TMEM178A: variants seen among roughly 807,000 people sequenced by gnomAD.
TMEM178A encodes the protein transmembrane protein 178.
In TMEM178A, 12 loss-of-function variants were observed where a neutral mutation model predicts 29.1. That is an observed-to-expected ratio of 0.41 (90% CI 0.26 to 0.67). TMEM178A has a LOEUF of 0.67. TMEM178A is among the 30% of genes least tolerant of loss of function. The pLI is 0.29. For missense variants in TMEM178A, 366 were observed against 419.1 expected (o/e 0.87, Z 1.11); for synonymous variants, 210 against 187.2 (o/e 1.12, Z -0.99).
chr2:39,681,983 C>T (rs748737936), intron 1 of TMEM178A, among the ~76,000 whole-genome samples: 1 of 152,186 alleles, frequency 6.6e-6, no homozygotes, highest in Non-Finnish European at 1.5e-5. Context: ...CTTGGCTCTT[C>T]CTGCTCCCTG....
intron 1 of TMEM178A, among the ~76,000 whole-genome samples, chr2:39,701,764 A>C (rs1233560921): frequency 1.3e-5 from 2 of 152,080 alleles, no homozygotes; most frequent in African/African-American, 4.8e-5. Flanking sequence ...GGATGATTTC[A>C]ATGGACCTAT....
At chr2:39,683,407 C>G (rs543719299) in intron 1 of TMEM178A, among the ~76,000 whole-genome samples, 1 of 152,206 alleles carries the variant, frequency 6.6e-6, no homozygotes, top group African/African-American at 2.4e-5. Context: ...GCCAGTCTCA[C>G]ATGGGGCTCT....
the TMEM178A span, among the ~76,000 whole-genome samples, chr2:39,734,934 C>A: frequency 4.6e-5 from 7 of 152,292 alleles, no homozygotes; most frequent in African/African-American, 1.7e-4. Flanking sequence ...CCTACCAACA[C>A]GACTGTTACC....
At chr2:39,687,926 C>G (rs1479809491) in intron 1 of TMEM178A, among the ~76,000 whole-genome samples, 1 of 152,180 alleles carries the variant, frequency 6.6e-6, no homozygotes, top group Non-Finnish European at 1.5e-5. Context: ...CCATCTATGT[C>G]ACTTGTTAGC....
At chr2:39,724,495 AAACAT>A in the TMEM178A span, among the ~76,000 whole-genome samples, 3 of 152,204 alleles carry the variant, frequency 2.0e-5, no homozygotes, top group East Asian at 1.9e-4. Flanking sequence ...CTAATTTAAA[AAACAT>A]AACATATTAA....
chr2:39,712,089 TTCTC>T (rs759092163), intron 3 of TMEM178A, among the ~76,000 whole-genome samples: 33 of 95,606 alleles, frequency 3.5e-4, no homozygotes, highest in East Asian at 1.4e-3. Context: ...AAGAGTTTCT[TTCTC>T]TCTATTAGTT....
At chr2:39,723,391 G>A in the TMEM178A span, among the ~76,000 whole-genome samples, 1 of 152,110 alleles carries the variant, frequency 6.6e-6, no homozygotes, top group Admixed American at 6.5e-5. Context: ...GTTAGTTCTG[G>A]ACTCTGTTGG....
At chr2:39,694,161 G>GTAATAATAATAATAATAATAATAA (rs66983117) in intron 1 of TMEM178A, among the ~76,000 whole-genome samples, 7 of 146,714 alleles carry the variant, frequency 4.8e-5, no homozygotes, top group African/African-American at 1.7e-4. Flanking sequence ...AGTAGTAGTA[G>GTAATAATAATAATAATAATAATAA]TAATAATAAT....
At chr2:39,723,254 A>G in the TMEM178A span, among the ~76,000 whole-genome samples, 1 of 152,368 alleles carries the variant, frequency 6.6e-6, no homozygotes, top group East Asian at 1.9e-4. Flanking sequence ...CATTCCCCAC[A>G]GGTAAAACAC....
the TMEM178A span, among the ~76,000 whole-genome samples, chr2:39,723,953 T>C: frequency 1.3e-5 from 2 of 152,252 alleles, no homozygotes; most frequent in East Asian, 1.9e-4. Context: ...TACTGCTCTA[T>C]AGTTTTTAAG....
the TMEM178A span, among the ~76,000 whole-genome samples, chr2:39,730,270 T>C: frequency 5.2e-3 from 797 of 151,924 alleles, 2 homozygotes; most frequent in Non-Finnish European, 9.2e-3. Context: ...GTGCTCAGAG[T>C]GGATTAAATG....
chr2:39,726,290 C>T, the TMEM178A span, among the ~76,000 whole-genome samples: 3 of 152,146 alleles, frequency 2.0e-5, no homozygotes, highest in Admixed American at 6.5e-5. Context: ...GATAAGAAAA[C>T]ATTTGCACAG....
At chr2:39,677,123 C>A (rs1025387479) in intron 1 of TMEM178A, among the ~76,000 whole-genome samples, 2 of 152,116 alleles carry the variant, frequency 1.3e-5, no homozygotes, top group African/African-American at 4.8e-5. Context: ...TGCTTCAGTG[C>A]TTCCTATGTA....
At chr2:39,703,803 T>C (rs940945246) in intron 1 of TMEM178A, among the ~76,000 whole-genome samples, 2 of 152,232 alleles carry the variant, frequency 1.3e-5, no homozygotes, top group Admixed American at 1.3e-4. Context: ...TGTGTACTTT[T>C]AGGCCATTGC....
At chr2:39,679,873 C>G (rs1670793880) in intron 1 of TMEM178A, among the ~76,000 whole-genome samples, 1 of 152,150 alleles carries the variant, frequency 6.6e-6, no homozygotes, top group African/African-American at 2.4e-5. Context: ...AGGCTCTTCA[C>G]TGAACCACCC....
intron 1 of TMEM178A, among the ~76,000 whole-genome samples, chr2:39,671,800 A>G (rs189192354): frequency 1.3e-5 from 2 of 152,322 alleles, no homozygotes; most frequent in East Asian, 1.9e-4. Flanking sequence ...CGCACTCTCA[A>G]GACTGCTTCT....
At chr2:39,734,948 C>T in the TMEM178A span, among the ~76,000 whole-genome samples, 1 of 152,158 alleles carries the variant, frequency 6.6e-6, no homozygotes. Flanking sequence ...TGTTACCACC[C>T]TGGGGCAAGC....
At position 39,671,885 on chromosome 2, in the gene TMEM178A, C is replaced by T. The variant is rs573995013; in HGVS notation, c.400+5511C>T. Among the ~76,000 whole-genome samples, 8 of 152,264 alleles carry T rather than the reference C, an allele frequency of 5.3e-5. No individual in the cohort carries two copies. In the South Asian group the frequency reaches 1.0e-3, roughly 20 times the overall value. Reference sequence around the variant, plus strand: ...TTCCTATCACAGCTGAAATTCATGGCGGGTATCCCAGTGCGCTCTTATATC... The same window carrying T: ...TTCCTATCACAGCTGAAATTCATGGTGGGTATCCCAGTGCGCTCTTATATC... On this transcript the variant is annotated intron_variant, in intron 1 of 3. Coordinates refer to ENST00000281961, the MANE Select transcript of TMEM178A (RefSeq NM_152390.3).
At chr2:39,725,208 C>T in the TMEM178A span, among the ~76,000 whole-genome samples, 1 of 152,060 alleles carries the variant, frequency 6.6e-6, no homozygotes, top group Non-Finnish European at 1.5e-5. Context: ...GGTGAGTGGC[C>T]CTCAGAACCC....
Sources: allele counts gnomAD v4.1 joint callset (sites outside exome capture counted in the v4.1 genomes callset), GRCh38; gene constraint gnomAD v4.1.1; transcripts MANE v1.5; gene names NCBI Gene and HGNC (gene_info 2026-07-23, HGNC 2026-07-21).